The following MYCBP2 variants were observed in gnomAD, a reference collection of about 807,000 sequenced individuals.
The protein encoded by MYCBP2 is E3 ubiquitin-protein ligase MYCBP2.
In MYCBP2, 120 loss-of-function variants were observed where a neutral mutation model predicts 525.3. The observed-to-expected ratio is 0.23, with a 90% CI of 0.20 to 0.27. MYCBP2 has a LOEUF of 0.27. Among genes scored for constraint, MYCBP2 ranks in the 10% least tolerant of loss-of-function variants. The pLI is 1.00. For synonymous variants in MYCBP2, 1,894 were observed against 1,955.8 expected, an observed-to-expected ratio of 0.97 and a Z score of 0.83; for missense variants, 4,149 against 5,657.1, an observed-to-expected ratio of 0.73 and a Z score of 8.55.
At chr13:77,303,432 T>C (rs1379401522) in intron 1 of MYCBP2, among the ~76,000 whole-genome samples, 1 of 152,182 alleles carries the variant, frequency 6.6e-6, no homozygotes, top group East Asian at 1.9e-4. Flanking sequence ...TCTTTTCAAG[T>C]GCATATAGAA....
chr13:77,171,718 T>G (rs1413311917), intron 37 of MYCBP2, 84 bp from the exon 38 acceptor site: 2 of 1,302,860 alleles, frequency 1.5e-6, no homozygotes, highest in East Asian at 4.7e-5. Context: ...AGATCTGAGA[T>G]CCTCATTTAA....
At chr13:77,168,029 G>A (rs2058724959) in intron 40 of MYCBP2, among the ~76,000 whole-genome samples, 1 of 151,982 alleles carries the variant, frequency 6.6e-6, no homozygotes, top group African/African-American at 2.4e-5. Flanking sequence ...ATTATGTATA[G>A]ACTACTTTAA....
rs759994273 is a variant in MYCBP2 at position 77,057,053 on chromosome 13, C to T, written c.13370G>A (p.Arg4457Gln). The change falls in exon 79 of 83, where the codon CGA becomes CAA. Residue 4457 changes from arginine to glutamine, a missense_variant. Transcript: ENST00000544440. ...SHIFHLQCCR[R>Q]VLENRWLGPR... ...GCCAAGCCATCGATTTTCTAATACT[C>T]GCCGACAGCACTGTAAGTGGAATAT... is the stretch of plus-strand genomic sequence containing the variant. 1.5e-5 allele frequency: 24 copies of T among 1,613,778 alleles called. No individual in the cohort carries two copies. The highest frequency in any genetic ancestry group is 1.4e-4 in the South Asian group (13 of 91,076).
At chr13:77,045,641 G>A (rs2035398500) in intron 82 of MYCBP2, 148 bp from the exon 83 acceptor site, 2 of 612,192 alleles carry the variant, frequency 3.3e-6, no homozygotes, top group Non-Finnish European at 5.7e-6. Flanking sequence ...TTTTTCTTCT[G>A]ATCACAAAAG....
chr13:77,182,065 G>A, intron 32 of MYCBP2, 143 bp from the exon 33 acceptor site: 1 of 614,092 alleles, frequency 1.6e-6, no homozygotes, highest in Non-Finnish European at 2.8e-6. Context: ...TCTTGTTATA[G>A]AATAATACTA....
intron 52 of MYCBP2, among the ~76,000 whole-genome samples, chr13:77,128,076 C>T (rs2052016381): frequency 1.3e-5 from 2 of 151,756 alleles, no homozygotes; most frequent in South Asian, 2.1e-4. Context: ...GTAAAATACG[C>T]ATTTTATATA....
At chr13:77,194,546 TGA>T (rs1370223774) in intron 26 of MYCBP2, among the ~76,000 whole-genome samples, 4 of 152,048 alleles carry the variant, frequency 2.6e-5, no homozygotes, top group Admixed American at 6.6e-5. Context: ...CTGAAAAAGG[TGA>T]GAGAACTCCA....
At chr13:77,099,975 C>T (rs2046819389) in intron 55 of MYCBP2, 1 of 152,076 alleles carries the variant, frequency 6.6e-6, no homozygotes, top group African/African-American at 2.4e-5. Flanking sequence ...CAAACTTCAA[C>T]ATCACCTTTC....
intron 23 of MYCBP2, among the ~76,000 whole-genome samples, chr13:77,210,538 C>T (rs1354919235): frequency 1.3e-5 from 2 of 152,180 alleles, no homozygotes; most frequent in Non-Finnish European, 2.9e-5. Context: ...TTTCTTGAGT[C>T]TCTTTTGTGC....
Position 77,098,412 on chromosome 13 carries a change from A to G in MYCBP2, c.8742T>C (p.Ser2914=). 1 of 1,613,642 alleles carries G rather than the reference A, an allele frequency of 6.2e-7. No individual in the cohort carries two copies. The highest frequency in any genetic ancestry group is 8.5e-7 in the Non-Finnish European group (1 of 1,179,796). Residue 2914 remains serine (S), a synonymous_variant, in exon 56 of 83, where the codon TCT becomes TCC. Coordinates refer to ENST00000544440, the MANE Select transcript of MYCBP2 (RefSeq NM_015057.5). ...VPKDSTDSPG[S]ENRAPSPHVV... is the part of the protein sequence containing the mutation. The stretch of plus-strand genomic sequence containing the variant: ...CATGGGGAGAGGGAGCTCTATTTTC[A>G]GATCCAGGGGAATCTGTAGAATCCT...
At position 77,261,465 on chromosome 13, in the gene MYCBP2, T is replaced by C. The variant is rs1439146744; in HGVS notation, c.1648-90A>G. 13 of 940,164 alleles carry C rather than the reference T, an allele frequency of 1.4e-5. No individual in the cohort carries two copies. The East Asian group carries it at 3.5e-4, about 25-fold the overall frequency. 58.2% of individuals were successfully genotyped at this position (940,164 alleles called of 1,614,324 possible). A position where few individuals can be genotyped will look rare whatever the true frequency, so the allele number is the denominator to read the frequency against. ...AGGAAAAAAAAGGACATCAATATTT[T>C]ATTGAAAAATAAAATTCACATAAAA... On this transcript the variant is annotated intron_variant, in intron 11 of 82. Coordinates refer to ENST00000544440, the MANE Select transcript of MYCBP2 (RefSeq NM_015057.5).
intron 3 of MYCBP2, among the ~76,000 whole-genome samples, chr13:77,281,548 T>C (rs992605295): frequency 1.8e-4 from 28 of 152,138 alleles, no homozygotes; most frequent in Admixed American, 7.2e-4. Context: ...GTAAATTTAC[T>C]GAATTTTACC....
At chr13:77,251,448 T>G (rs1011242903) in intron 14 of MYCBP2, 93 bp from the exon 15 acceptor site, 4 of 1,049,682 alleles carry the variant, frequency 3.8e-6, no homozygotes, top group Non-Finnish European at 4.2e-6. Flanking sequence ...AATGACAGCA[T>G]GCTAATCCAA....
rs768943255 is a variant in MYCBP2 at position 77,205,488 on chromosome 13, C to T, written c.3700G>A (p.Val1234Ile). 6.2e-7 allele frequency: 1 copy of T among 1,613,250 alleles called. No homozygotes were observed. The highest frequency in any genetic ancestry group is 8.5e-7 in the Non-Finnish European group (1 of 1,179,654). The change falls in exon 25 of 83, where the codon GTA (valine) becomes ATA (isoleucine). Residue 1234 changes from valine to isoleucine, a missense_variant. Around this residue, in one of 21 missense-constraint regions of MYCBP2, gnomAD observed 620 missense variants for 795.5 expected, o/e 0.78. Transcript: ENST00000544440. ...KVYSKEDYSV[V>I]NRFESHGGGW... is the part of the protein sequence containing the mutation. ...GTATACATACTTTCAAACCTGTTTA[C>T]CACACTATAATCTTCTTTAGAATAA...
intron 8 of MYCBP2, among the ~76,000 whole-genome samples, chr13:77,266,312 T>C (rs761641471): frequency 3.3e-5 from 5 of 152,154 alleles, no homozygotes; most frequent in African/African-American, 1.2e-4. Flanking sequence ...GTAATTTATA[T>C]AGCAAAACCC....
intron 1 of MYCBP2, among the ~76,000 whole-genome samples, chr13:77,305,373 T>C (rs1009483708): frequency 6.6e-6 from 1 of 152,122 alleles, no homozygotes; most frequent in African/African-American, 2.4e-5. Context: ...AATGAAGTAC[T>C]GACTCATGCT....
chr13:77,174,632 C>T (rs942025524), intron 36 of MYCBP2, 143 bp from the exon 37 acceptor site: 24 of 645,682 alleles, frequency 3.7e-5, no homozygotes, highest in Non-Finnish European at 6.0e-5. Flanking sequence ...TTTAATGAAT[C>T]AAACACGATG....
Position 77,111,131 on chromosome 13 carries a change from G to A in MYCBP2, c.8140+10242C>T, listed in dbSNP as rs187186348. On this transcript the variant is annotated intron_variant, in intron 55 of 82. Coordinates refer to ENST00000544440, the MANE Select transcript of MYCBP2 (RefSeq NM_015057.5). ...TAGCAGACCTAATCCTTCCTAAATT[G>A]AGTGCAAAATCATGAGAATGCTTTA... Among the ~76,000 whole-genome samples the A allele has an allele frequency of 2.0e-5, 3 of 152,170 alleles. No individual in the cohort carries two copies. In the East Asian group the frequency reaches 5.8e-4, roughly 29 times the overall value.
At chr13:77,279,743 G>A (rs1429075784) in intron 3 of MYCBP2, among the ~76,000 whole-genome samples, 3 of 152,022 alleles carry the variant, frequency 2.0e-5, no homozygotes, top group East Asian at 1.9e-4. Flanking sequence ...CTCATATTGT[G>A]CAAACTCACT....
Sources: gnomAD v4.1 joint callset for allele counts (sites outside exome capture counted in the v4.1 genomes callset) on GRCh38, gnomAD v4.1.1 for gene constraint, gnomAD v4.1.1 regional missense constraint, MANE v1.5 for transcripts, NCBI Gene and HGNC (gene_info 2026-07-23, HGNC 2026-07-21) for gene names.